Variants in NIBAN3 observed in about 807,000 individuals in gnomAD.
The protein encoded by NIBAN3 is protein Niban 3.
In NIBAN3, 66 loss-of-function variants were observed where a neutral mutation model predicts 76.4. The ratio of observed to expected loss-of-function variants is 0.86; its 90% CI spans 0.71 to 1.06. The LOEUF is 1.06. Among genes scored for constraint, NIBAN3 ranks in the 50% least tolerant of loss-of-function variants. The probability of loss-of-function intolerance (pLI) is 0.00; values close to 1 mark genes in which losing one functional copy is unlikely to be tolerated. For missense variants in NIBAN3, 808 were observed against 810.7 expected (o/e 1.00, Z 0.04); for synonymous variants, 360 against 355.2 (o/e 1.01, Z -0.15).
At chr19:17,551,052 C>G (rs1668868183) in intron 14 of NIBAN3, among the ~76,000 whole-genome samples, 1 of 151,644 alleles carries the variant, frequency 6.6e-6, no homozygotes, top group African/African-American at 2.4e-5. Flanking sequence ...ATCCTTCACC[C>G]TTTCATCTTT....
chr19:17,542,103 A>AT lies in NIBAN3; in HGVS notation c.1171-28dup, dbSNP rs1166360092. The stretch of plus-strand genomic sequence containing the variant: ...TGGCCCTTTGCAATCAGCTGACAGC[A>AT]TTTTTCCCCCAAAACTGCTTCCGGG... On this transcript the variant is annotated intron_variant, in intron 9 of 14. Coordinates refer to ENST00000599164, the MANE Select transcript of NIBAN3 (RefSeq NM_001321827.2). The surrounding 1 kb of genome is among the most constrained non-coding windows in gnomAD (Gnocchi z 4.8). 1.2e-5 allele frequency: 20 copies of AT among 1,613,612 alleles called. No homozygotes were observed. The highest frequency in any genetic ancestry group is 5.3e-5 in the African/African-American group (4 of 74,840).
In NIBAN3 at chr19:17,546,735, T is replaced by C; in HGVS notation, c.1604T>C (p.Leu535Pro). The C allele has an allele frequency of 6.2e-7, 1 of 1,605,578 alleles. No homozygotes were observed. Among genetic ancestry groups the C allele is most frequent in the South Asian group, 1.1e-5 (1 of 89,034 alleles). The change falls in exon 13 of 15, where the codon CTG becomes CCG. Residue 535 changes from leucine to proline, a missense_variant. By Grantham distance (98) the Leu-to-Pro change is moderately conservative (BLOSUM62 -3). Coordinates refer to ENST00000599164, the MANE Select transcript of NIBAN3 (RefSeq NM_001321827.2). ...GTCCTTGCCGTGGGCAGCCAGGCTC[T>C]GACCACTGAGGGCATCTATGAGGAC... ...GDVLAVGSQA[L>P]TTEGIYEDVI... is the part of the protein sequence containing the mutation.
downstream of NIBAN3, among the ~76,000 whole-genome samples, chr19:17,555,274 C>G (rs991578506): frequency 1.2e-4 from 18 of 152,292 alleles, no homozygotes; most frequent in Middle Eastern, 3.4e-3. Flanking sequence ...GCAAAACCCA[C>G]GTTGCAGCAG....
upstream of NIBAN3, among the ~76,000 whole-genome samples, chr19:17,524,335 G>C (rs1430965144): frequency 6.6e-6 from 1 of 151,910 alleles, no homozygotes; most frequent in African/African-American, 2.4e-5. Flanking sequence ...GCTCAGGCTG[G>C]AGTGCAGTGG....
At chr19:17,530,649 T>A in intron 1 of NIBAN3, 106 bp from the exon 2 acceptor site, 1 of 1,048,644 alleles carries the variant, frequency 9.5e-7, no homozygotes, top group Admixed American at 3.3e-5. Flanking sequence ...AAGCTCAGGA[T>A]GACTACAGGA....
Position 17,553,448 on chromosome 19 carries a change from G to C in NIBAN3, c.*1550G>C, listed in dbSNP as rs2076186249. ...CTGTCTTGCAGCTGCTTCCGGAGTG[G>C]GTTCCACAGGGATTCCCGTGTGTTC... is the stretch of plus-strand genomic sequence containing the variant. On this transcript the variant is annotated 3_prime_UTR_variant, in exon 15 of 15. Coordinates refer to ENST00000599164, the MANE Select transcript of NIBAN3 (RefSeq NM_001321827.2). The C allele has an allele frequency of 6.2e-7, 1 of 1,614,048 alleles. No homozygotes were observed.
chr19:17,540,755 CAG>C (rs1208325507), intron 9 of NIBAN3, among the ~76,000 whole-genome samples, 173 bp downstream of exon 9: 1 of 152,178 alleles, frequency 6.6e-6, no homozygotes, highest in Non-Finnish European at 1.5e-5. Context: ...GTTTTTGAGA[CAG>C]GGGTGTCGCT....
In NIBAN3 at chr19:17,546,673, G is replaced by T; in HGVS notation, c.1555-13G>T. ...TCCTCTCCATCCGAGCCCCTAACCCGCCATGGTTCCAGGAGCTGCCTGAGT... is the reference window on the plus strand; with the variant it reads ...TCCTCTCCATCCGAGCCCCTAACCCTCCATGGTTCCAGGAGCTGCCTGAGT... On this transcript the variant is annotated splice_polypyrimidine_tract_variant and intron_variant, in intron 12 of 14. Transcript: ENST00000599164. The T allele has an allele frequency of 6.5e-7, 1 of 1,535,912 alleles. No individual in the cohort carries two copies. Among genetic ancestry groups the T allele is most frequent in the East Asian group, 2.4e-5 (1 of 41,976 alleles).
At chr19:17,531,374 AC>A (rs2075721908) in intron 2 of NIBAN3, among the ~76,000 whole-genome samples, 1 of 122,046 alleles carries the variant, frequency 8.2e-6, no homozygotes, top group Non-Finnish European at 1.8e-5. Context: ...CACACACACA[AC>A]CATTCACTGA....
rs761525724 is a variant in NIBAN3 at position 17,533,700 on chromosome 19, G to T, written c.426G>T (p.Leu142Phe). Residue 142 changes from leucine to phenylalanine, a missense_variant and splice_region_variant, in exon 4 of 15, where the codon TTG becomes TTT. Transcript: ENST00000599164. ...TGGATGCTCTCTGCCCTGAATCCTTGGGTAAGGGTCCCGGGGTTCCCAGGA... is the reference window on the plus strand; with the variant it reads ...TGGATGCTCTCTGCCCTGAATCCTTTGGTAAGGGTCCCGGGGTTCCCAGGA... ...RLLDALCPES[L>F]GDHTQEEPDS... is the part of the protein sequence containing the mutation. 2 of 1,611,430 alleles carry T rather than the reference G, an allele frequency of 1.2e-6. No homozygotes were observed. The highest frequency in any genetic ancestry group is 2.7e-5 in the African/African-American group (2 of 74,844).
chr19:17,540,439 C>G lies in NIBAN3; in HGVS notation c.1027C>G (p.Pro343Ala), dbSNP rs545090411. ...LESCLRREVD[P>A]QLPRVVQTLL... is the part of the protein sequence containing the mutation. ...GTCGTGCCTGCGCCGGGAGGTGGAC[C>G]CGCAGCTGCCCCGGGTCGTGCAGAC... Residue 343 changes from proline to alanine, a missense_variant, in exon 9 of 15, where the codon CCG (proline) becomes GCG (alanine). By Grantham distance (27) the Pro-to-Ala change is conservative. Transcript: ENST00000599164. 36 of 1,545,016 alleles carry G rather than the reference C, an allele frequency of 2.3e-5. No individual in the cohort carries two copies. The South Asian group carries it at 4.1e-4, about 17-fold the overall frequency.
At chr19:17,546,051 G>C (rs2076049155) in intron 12 of NIBAN3, 1 of 362,390 alleles carries the variant, frequency 2.8e-6, no homozygotes, top group Non-Finnish European at 5.6e-6. Flanking sequence ...AGACCAAGGA[G>C]CCCTTCTGCT....
intron 1 of NIBAN3, among the ~76,000 whole-genome samples, chr19:17,527,722 T>C (rs981623254): frequency 2.6e-5 from 4 of 151,730 alleles, no homozygotes; most frequent in African/African-American, 9.7e-5. Context: ...AATTATTTCA[T>C]TGGTTGTTTT....
intron 14 of NIBAN3, among the ~76,000 whole-genome samples, chr19:17,551,499 T>C (rs1229691862): frequency 6.9e-6 from 1 of 145,092 alleles, no homozygotes; most frequent in African/African-American, 2.6e-5. Context: ...CCTCTGCCTC[T>C]CGGGTTCAAG....
chr19:17,539,678 G>C lies in NIBAN3; in HGVS notation c.892G>C (p.Glu298Gln), dbSNP rs1305989336. Residue 298 changes from glutamate to glutamine, a missense_variant, in exon 8 of 15, where the codon GAG becomes CAG. Physicochemically the swap from Glu to Gln is conservative, Grantham distance 29 (BLOSUM62 2). Coordinates refer to ENST00000599164, the MANE Select transcript of NIBAN3 (RefSeq NM_001321827.2). ...GLCAFQPEKD[E>Q]LLASLEKTIR... ...CTGCGCCTTCCAGCCCGAAAAGGACGAGCTGCTTGCGTCGCTGGAGAAGAC... is the reference window on the plus strand; with the variant it reads ...CTGCGCCTTCCAGCCCGAAAAGGACCAGCTGCTTGCGTCGCTGGAGAAGAC... 2 of 1,557,958 alleles carry C rather than the reference G, an allele frequency of 1.3e-6. No individual in the cohort carries two copies. The highest frequency in any genetic ancestry group is 4.8e-5 in the East Asian group (2 of 41,542).
chr19:17,527,544 C>T, intron 1 of NIBAN3, 149 bp downstream of exon 1: 1 of 875,060 alleles, frequency 1.1e-6, no homozygotes, highest in Non-Finnish European at 1.7e-6. Context: ...AAATTTCACG[C>T]AGTGAATCTT....
At chr19:17,524,236 T>G (rs1437883875), upstream of NIBAN3, among the ~76,000 whole-genome samples, 1 of 151,572 alleles carries the variant, frequency 6.6e-6, no homozygotes, top group Non-Finnish European at 1.5e-5. Context: ...CCATCCTCTA[T>G]CCCCTCCTGC....
chr19:17,546,731 G>T lies in NIBAN3; in HGVS notation c.1600G>T (p.Ala534Ser), dbSNP rs202088970. 19 of 1,604,684 alleles carry T rather than the reference G, an allele frequency of 1.2e-5. No homozygotes were observed. The East Asian group carries it at 3.8e-4, about 32-fold the overall frequency. ...EGDVLAVGSQALTTEGIYEDV... is the reference protein window; with the variant it reads ...EGDVLAVGSQSLTTEGIYEDV... The stretch of plus-strand genomic sequence containing the variant: ...GGATGTCCTTGCCGTGGGCAGCCAG[G>T]CTCTGACCACTGAGGGCATCTATGA... The change falls in exon 13 of 15, where the codon GCT becomes TCT. Residue 534 changes from alanine to serine, a missense_variant. By Grantham distance (99) the Ala-to-Ser change is moderately conservative. Transcript: ENST00000599164.
In NIBAN3 at chr19:17,540,502, C is replaced by A. The variant is rs767340335; in HGVS notation, c.1090C>A (p.Arg364=). ...CGTGGAAGCCTCGCTCGAGGCGGTG[C>A]GGACCCTCCTGGCTCAAGGCATGGA... ...RTVEASLEAV[R]TLLAQGMDRL... Residue 364 remains arginine, a synonymous_variant, in exon 9 of 15, where the codon CGG becomes AGG. Coordinates refer to ENST00000599164, the MANE Select transcript of NIBAN3 (RefSeq NM_001321827.2). The A allele has an allele frequency of 2.5e-6, 4 of 1,598,258 alleles. No individual in the cohort carries two copies. Among genetic ancestry groups the A allele is most frequent in the Non-Finnish European group, 2.6e-6 (3 of 1,172,836 alleles).
Sources: allele counts gnomAD v4.1 joint callset (sites outside exome capture counted in the v4.1 genomes callset), GRCh38; gene constraint gnomAD v4.1.1; non-coding constraint Gnocchi (gnomAD v3.1); transcripts MANE v1.5; gene names NCBI Gene and HGNC (gene_info 2026-07-23, HGNC 2026-07-21).